HOXA3: variants seen among roughly 807,000 people sequenced by gnomAD.
The protein encoded by HOXA3 is homeobox protein Hox-A3.
HOXA3 carries 8 observed loss-of-function variants against 30.3 expected under a neutral mutation model. That is an observed-to-expected ratio of 0.26 (90% confidence interval 0.15 to 0.48). HOXA3 has a LOEUF of 0.48. Among genes scored for constraint, HOXA3 ranks in the 20% least tolerant of loss-of-function variants. HOXA3 has a pLI of 0.99. For synonymous variants in HOXA3, 323 were observed against 273.1 expected (o/e 1.18, Z -1.80); for missense variants, 653 against 614.4 (o/e 1.06, Z -0.66).
chr7:27,117,586 G>A (rs575023970), intron 4 of HOXA3, among the ~76,000 whole-genome samples: 1 of 152,214 alleles, frequency 6.6e-6, no homozygotes, highest in Admixed American at 6.5e-5. Context: ...CTGCAATCTG[G>A]CACTAAACAA....
At chr7:27,131,912 A>G (rs1455393652) in intron 2 of HOXA3, among the ~76,000 whole-genome samples, 1 of 152,274 alleles carries the variant, frequency 6.6e-6, no homozygotes. Flanking sequence ...AAATTAGCGT[A>G]TTAACGATAT....
At position 27,141,633 on chromosome 7, in the gene HOXA3, G is replaced by A. The variant is rs951621246; in HGVS notation, c.-493-1447C>T. 1.8e-5 allele frequency: 10 copies of A among 553,984 alleles called. No individual in the cohort carries two copies. In the South Asian group the frequency reaches 3.3e-4, roughly 18 times the overall value. 34.3% of individuals were successfully genotyped at this position (553,984 alleles called of 1,614,324 possible). ...TTTTTTTCAAGACAAAGCCATTCAG[G>A]ACAAAGAGATGAACAGAAAGCAGAT... On this transcript the variant is annotated intron_variant, in intron 1 of 5. Transcript: ENST00000612286.
chr7:27,143,536 A>T, intron 1 of HOXA3: 1 of 1,613,352 alleles, frequency 6.2e-7, no homozygotes, highest in Non-Finnish European at 8.5e-7. Flanking sequence ...TATGATCTCC[A>T]TAATTATGCA....
intron 2 of HOXA3, among the ~76,000 whole-genome samples, chr7:27,139,612 T>C (rs1032169088): frequency 2.8e-4 from 42 of 152,128 alleles, no homozygotes; most frequent in African/African-American, 1.0e-3. Context: ...CGGCCTTTCT[T>C]TCAAACTCCT....
At chr7:27,147,393 C>CT (rs1231424522) in intron 1 of HOXA3, 6 of 1,614,110 alleles carry the variant, frequency 3.7e-6, no homozygotes, top group Non-Finnish European at 5.1e-6. Context: ...GTGCTTTGCC[C>CT]TGCCCGCTGC....
At chr7:27,148,449 G>A (rs1381030590) in intron 1 of HOXA3, among the ~76,000 whole-genome samples, 5 of 152,262 alleles carry the variant, frequency 3.3e-5, no homozygotes, top group African/African-American at 9.6e-5. Flanking sequence ...AGGGGCCTGG[G>A]CCTTGCAGCC....
intron 4 of HOXA3, among the ~76,000 whole-genome samples, chr7:27,114,880 T>TTATATATATTATATA (rs11271601): frequency 2.0e-5 from 2 of 98,400 alleles, no homozygotes; most frequent in African/African-American, 7.8e-5. Flanking sequence ...ATTATATATA[T>TTATATATATTATATA]GTATATACAT....
intron 1 of HOXA3, chr7:27,145,369 G>A (rs1291253970): frequency 1.3e-5 from 6 of 450,074 alleles, no homozygotes; most frequent in East Asian, 3.7e-5. Context: ...CTCCGGAGCC[G>A]GTTTGGGCAT....
At chr7:27,116,055 C>T (rs990164634) in intron 4 of HOXA3, 1 of 152,634 alleles carries the variant, frequency 6.6e-6, no homozygotes, top group Non-Finnish European at 1.5e-5. Flanking sequence ...TACCAGCCGC[C>T]GCCGCTGCGC....
intron 2 of HOXA3, among the ~76,000 whole-genome samples, chr7:27,133,260 C>T (rs1031776608): frequency 9.2e-5 from 14 of 152,174 alleles, no homozygotes; most frequent in Admixed American, 6.5e-4. Context: ...CTTTGCAAAC[C>T]ATAGCATCAT....
At chr7:27,139,580 A>G (rs1782451729) in intron 2 of HOXA3, among the ~76,000 whole-genome samples, 1 of 152,240 alleles carries the variant, frequency 6.6e-6, no homozygotes, top group Non-Finnish European at 1.5e-5. Flanking sequence ...GAATCCCGCC[A>G]GAGTCCGCCT....
chr7:27,145,372 T>G, intron 1 of HOXA3: 1 of 446,566 alleles, frequency 2.2e-6, no homozygotes, highest in Non-Finnish European at 4.0e-6. Context: ...CGGAGCCGGT[T>G]TGGGCATCCT....
intron 2 of HOXA3, chr7:27,130,214 C>CG: frequency 1.3e-6 from 2 of 1,525,248 alleles, no homozygotes; most frequent in South Asian, 1.2e-5. Context: ...AGCGGGCACG[C>CG]GGGGGCGCTG....
At chr7:27,142,735 C>T (rs1554340905) in intron 1 of HOXA3, 1 of 376,870 alleles carries the variant, frequency 2.7e-6, no homozygotes, top group Non-Finnish European at 4.7e-6. Context: ...CCTCTCTGCG[C>T]CTTGCTCGGC....
chr7:27,143,894 C>G (rs564584780), intron 1 of HOXA3, among the ~76,000 whole-genome samples: 3 of 152,294 alleles, frequency 2.0e-5, no homozygotes, highest in Admixed American at 1.3e-4. Flanking sequence ...CGCCAGTTGC[C>G]GCCGTTCAGC....
At chr7:27,135,595 A>G (rs1583400695) in intron 2 of HOXA3, among the ~76,000 whole-genome samples, 1 of 152,340 alleles carries the variant, frequency 6.6e-6, no homozygotes. Context: ...ATATTTTGCA[A>G]GAAGTGTCTG....
chr7:27,117,387 G>C (rs1170157732), intron 4 of HOXA3, among the ~76,000 whole-genome samples: 2 of 152,118 alleles, frequency 1.3e-5, no homozygotes, highest in African/African-American at 4.8e-5. Context: ...TCCTTCCTCT[G>C]TCTCCCGAAT....
intron 1 of HOXA3, chr7:27,141,830 G>C (rs1782578783): frequency 6.2e-7 from 1 of 1,613,516 alleles, no homozygotes. Context: ...TAAACGCTCA[G>C]ATACTCAGGG....
intron 4 of HOXA3, among the ~76,000 whole-genome samples, chr7:27,118,057 G>C (rs1583382733): frequency 6.6e-6 from 1 of 152,258 alleles, no homozygotes; most frequent in South Asian, 2.1e-4. Flanking sequence ...GAGAGGCTGA[G>C]GGTCCTGTCC....
Sources: gnomAD v4.1 joint callset for allele counts (sites outside exome capture counted in the v4.1 genomes callset) on GRCh38, gnomAD v4.1.1 for gene constraint, MANE v1.5 for transcripts, NCBI Gene and HGNC (gene_info 2026-07-23, HGNC 2026-07-21) for gene names.